Variants in SPO11 observed in about 807,000 individuals in gnomAD.
SPO11 encodes the protein SPO11 initiator of meiotic double strand breaks.
SPO11 carries 49 observed loss-of-function variants against 51.6 expected under a neutral mutation model. That is an observed-to-expected ratio of 0.95 (90% CI 0.75 to 1.20). The LOEUF is 1.20. SPO11 is among the 50% of genes most tolerant of loss of function. The probability of loss-of-function intolerance (pLI) is 0.00; values close to 1 mark genes in which losing one functional copy is unlikely to be tolerated. For synonymous variants in SPO11, 176 were observed against 158.2 expected, an observed-to-expected ratio of 1.11 and a Z score of -0.84; for missense variants, 431 against 473.4, an observed-to-expected ratio of 0.91 and a Z score of 0.83.
In SPO11 at chr20:57,331,382, C is replaced by T. The variant is rs28368072; in HGVS notation, c.132-451C>T. 6.3e-3 allele frequency among the ~76,000 whole-genome samples: 958 copies of T among 152,292 alleles called. 5 individuals carry two copies. Among genetic ancestry groups the T allele is most frequent in the African/African-American group, 0.022 (919 of 41,556 alleles). On this transcript the variant is annotated intron_variant, in intron 1 of 12. Coordinates refer to ENST00000371263, the MANE Select transcript of SPO11 (RefSeq NM_012444.3). ...AAAGGTGTTTCTTTTGAAATTTTTG[C>T]ATTGCATTTTTGGGAAAGAAATTCA...
chr20:57,340,049 G>T, intron 10 of SPO11, 53 bp from the exon 11 acceptor site: 1 of 1,218,252 alleles, frequency 8.2e-7, no homozygotes, highest in Admixed American at 1.7e-5. Flanking sequence ...AAACAAGAAT[G>T]CTAGTTTTCT....
chr20:57,337,477 C>T (rs369438731), intron 8 of SPO11, among the ~76,000 whole-genome samples: 118 of 152,292 alleles, frequency 7.7e-4, no homozygotes, highest in African/African-American at 2.8e-3. Context: ...AGCTGAGATG[C>T]GAGCTCAGGC....
rs752883793 is a variant in SPO11, at chr20:57,333,180, A to C, written c.246-8A>C. ...CACTTTTTTCCTTTGCTTTAAACAA[A>C]ATGACAGGTTTGAAGATTCTGTGGG... On this transcript the variant is annotated splice_polypyrimidine_tract_variant and splice_region_variant and intron_variant, in intron 2 of 12. Transcript: ENST00000371263. The C allele has an allele frequency of 6.3e-7, 1 of 1,591,902 alleles. No individual in the cohort carries two copies. Among genetic ancestry groups the C allele is most frequent in the Non-Finnish European group, 8.5e-7 (1 of 1,173,504 alleles).
At chr20:57,330,544 A>G (rs1267419688) in intron 1 of SPO11, among the ~76,000 whole-genome samples, 1 of 152,226 alleles carries the variant, frequency 6.6e-6, no homozygotes, top group Non-Finnish European at 1.5e-5. Context: ...GAGAATGTAC[A>G]TATTTTAAAT....
At chr20:57,338,462 T>C in intron 9 of SPO11, 87 bp downstream of exon 9, 1 of 1,035,152 alleles carries the variant, frequency 9.7e-7, no homozygotes, top group Non-Finnish European at 1.4e-6. Context: ...TTTTTTTTCT[T>C]TTTGAGATTG....
In SPO11 at chr20:57,340,100, A is replaced by G; in HGVS notation, c.883-2A>G. 6.2e-7 allele frequency: 1 copy of G among 1,601,650 alleles called. No homozygotes were observed. On this transcript the variant is annotated splice_acceptor_variant, in intron 10 of 12. Transcript: ENST00000371263. LOFTEE classifies it high-confidence loss of function. ...CTAATATACTTTTGTTCTTTATTTT[A>G]GTCTATGTCTTTTGAAGCTCATCAT... is the stretch of plus-strand genomic sequence containing the variant.
intron 8 of SPO11, chr20:57,337,713 A>G (rs755057866): frequency 7.7e-7 from 1 of 1,293,464 alleles, no homozygotes; most frequent in South Asian, 1.2e-5. Context: ...GTCTGTTTGT[A>G]TATAATGTAC....
intron 1 of SPO11, 106 bp from the exon 2 acceptor site, chr20:57,331,727 A>G: frequency 1.8e-6 from 1 of 559,006 alleles, no homozygotes; most frequent in Non-Finnish European, 3.0e-6. Context: ...AGTCTTAAAA[A>G]AGAATAAAAT....
chr20:57,336,483 T>C (rs987207173), intron 8 of SPO11, among the ~76,000 whole-genome samples: 9 of 152,322 alleles, frequency 5.9e-5, no homozygotes, highest in Admixed American at 5.2e-4. Context: ...AGACTTGTCA[T>C]TTCCCTCCTT....
chr20:57,333,882 G>A, intron 4 of SPO11, 105 bp from the exon 5 acceptor site: 1 of 903,218 alleles, frequency 1.1e-6, no homozygotes, highest in South Asian at 2.0e-5. Context: ...TTCTTTATAT[G>A]TTGTGTTTTC....
chr20:57,334,346 A>G (rs535665531), intron 5 of SPO11, among the ~76,000 whole-genome samples: 1 of 152,046 alleles, frequency 6.6e-6, no homozygotes, highest in Non-Finnish European at 1.5e-5. Context: ...AGTAGGGACT[A>G]GGTTTCACTG....
rs374287657 is a variant in SPO11 at position 57,333,737 on chromosome 20, A to T, written c.385A>T (p.Thr129Ser). 6.7e-7 allele frequency: 1 copy of T among 1,493,726 alleles called. No individual in the cohort carries two copies. The allele number at this position is 1,493,726 out of a possible 1,614,324, so 92.5% of individuals were successfully genotyped here. The change falls in exon 4 of 13, where the codon ACT becomes TCT. Residue 129 changes from threonine (T) to serine (S), a missense_variant. Thr to Ser is a moderately conservative substitution (Grantham distance 58, BLOSUM62 1). Transcript: ENST00000371263. ...SMIYKLVQSN[T>S]YATKRDIYYT... is the part of the protein sequence containing the mutation. ...GATTTATAAATTAGTACAGAGCAAC[A>T]CTTATGCAACCAAAAGGTAAATATA...
Position 57,333,769 on chromosome 20 carries a change from T to G in SPO11, c.401+16T>G, listed in dbSNP as rs773186617. On this transcript the variant is annotated intron_variant, in intron 4 of 12. Transcript: ENST00000371263. ...CAACCAAAAGGTAAATATATTGTTCTAGTAAATTACTCTTCAAAATGTAAT... is the reference window on the plus strand; with the variant it reads ...CAACCAAAAGGTAAATATATTGTTCGAGTAAATTACTCTTCAAAATGTAAT... 13 of 1,340,722 alleles carry G rather than the reference T, an allele frequency of 9.7e-6. No homozygotes were observed. Among genetic ancestry groups the G allele is most frequent in the Non-Finnish European group, 1.4e-5 (13 of 944,716 alleles). 83.1% of individuals were successfully genotyped at this position (1,340,722 alleles called of 1,614,324 possible). A position where few individuals can be genotyped will look rare whatever the true frequency, so the allele number is the denominator to read the frequency against.
In SPO11 at chr20:57,333,708, C is replaced by T. The variant is rs201937576; in HGVS notation, c.356C>T (p.Ser119Phe). The T allele has an allele frequency of 2.0e-6, 3 of 1,508,870 alleles. No homozygotes were observed. The highest frequency in any genetic ancestry group is 2.7e-6 in the Non-Finnish European group (3 of 1,091,806). 93.5% of individuals were successfully genotyped at this position (1,508,870 alleles called of 1,614,324 possible). Residue 119 changes from serine (S) to phenylalanine (F), a missense_variant, in exon 4 of 13, where the codon TCC becomes TTC. Physicochemically the swap from Ser to Phe is radical, Grantham distance 155. Around this residue, in one of 3 missense-constraint regions of SPO11, gnomAD observed 405 missense variants for 425.9 expected, o/e 0.95. Coordinates refer to ENST00000371263, the MANE Select transcript of SPO11 (RefSeq NM_012444.3). ...QKFSLILKIL[S>F]MIYKLVQSNT... is the part of the protein sequence containing the mutation. Reference sequence around the variant, plus strand: ...CCAGCTCTAATCCTTAAAATATTGTCCATGATTTATAAATTAGTACAGAGC... The same window carrying T: ...CCAGCTCTAATCCTTAAAATATTGTTCATGATTTATAAATTAGTACAGAGC...
chr20:57,338,014 A>C (rs2146093165), intron 8 of SPO11, among the ~76,000 whole-genome samples: 1 of 152,092 alleles, frequency 6.6e-6, no homozygotes, highest in South Asian at 2.1e-4. Flanking sequence ...CAGCCTCCCG[A>C]GTACCTGGGA....
Position 57,343,357 on chromosome 20 carries a change from A to G in SPO11, c.1088A>G (p.Asp363Gly). Residue 363 changes from aspartate (D) to glycine (G), a missense_variant, in exon 13 of 13, where the codon GAC becomes GGC. Coordinates refer to ENST00000371263, the MANE Select transcript of SPO11 (RefSeq NM_012444.3). ...TATTGACAGATGGAAATAATGGCAG[A>G]CTCTAAAATGAAGGCAGAAATTCAA... ...FWRKEMEIMADSKMKAEIQAL... is the reference protein window; with the variant it reads ...FWRKEMEIMAGSKMKAEIQAL... The G allele has an allele frequency of 6.2e-7, 1 of 1,610,580 alleles. No homozygotes were observed. The highest frequency in any genetic ancestry group is 1.1e-5 in the South Asian group (1 of 90,418).
intron 11 of SPO11, among the ~76,000 whole-genome samples, chr20:57,341,420 C>A (rs1239434519): frequency 1.3e-5 from 2 of 152,226 alleles, no homozygotes; most frequent in Non-Finnish European, 2.9e-5. Context: ...AAGAGTCCAC[C>A]TGTCCCTCAG....
intron 11 of SPO11, among the ~76,000 whole-genome samples, chr20:57,341,148 AGCATCTTTTGTT>A (rs1346766251): frequency 1.3e-5 from 2 of 152,232 alleles, no homozygotes; most frequent in Non-Finnish European, 2.9e-5. Flanking sequence ...TTCTTATTTT[AGCATCTTTTGTT>A]GCTGAGTTTT....
chr20:57,329,816 G>A lies in SPO11; in HGVS notation c.-52G>A, dbSNP rs1440184582. Reference sequence around the variant, plus strand: ...GGAAAGGCACGCAGCCACGCCCCAAGGGCGCAGCCTAGGACAGGGGCTTCT... The same window carrying A: ...GGAAAGGCACGCAGCCACGCCCCAAAGGCGCAGCCTAGGACAGGGGCTTCT... On this transcript the variant is annotated 5_prime_UTR_variant, in exon 1 of 13. Coordinates refer to ENST00000371263, the MANE Select transcript of SPO11 (RefSeq NM_012444.3). 5.8e-6 allele frequency: 9 copies of A among 1,553,950 alleles called. No homozygotes were observed. The Admixed American group carries it at 1.8e-4, about 31-fold the overall frequency.
Sources: allele counts gnomAD v4.1 joint callset (sites outside exome capture counted in the v4.1 genomes callset), GRCh38; gene constraint gnomAD v4.1.1; regional missense constraint gnomAD v4.1.1; transcripts MANE v1.5; gene names NCBI Gene and HGNC (gene_info 2026-07-23, HGNC 2026-07-21).